Variants in METTL15 observed in about 807,000 individuals in gnomAD.
METTL15 encodes 12S rRNA N(4)-cytidine methyltransferase METTL15.
Under a neutral mutation model 38.3 loss-of-function variants are expected in METTL15, and 34 were observed. The observed-to-expected ratio is 0.89, with a 90% CI of 0.68 to 1.18. The LOEUF is 1.18. Among genes scored for constraint, METTL15 ranks in the 50% most tolerant of loss-of-function variants. The probability of loss-of-function intolerance (pLI) is 0.00; values close to 1 mark genes in which losing one functional copy is unlikely to be tolerated. For synonymous variants in METTL15, 162 were observed against 170.9 expected, an observed-to-expected ratio of 0.95 and a Z score of 0.41; for missense variants, 438 against 498.4, an observed-to-expected ratio of 0.88 and a Z score of 1.15.
intron 6 of METTL15, among the ~76,000 whole-genome samples, chr11:28,487,003 GA>G (rs958614822): frequency 8.7e-5 from 13 of 150,120 alleles, no homozygotes; most frequent in East Asian, 5.8e-4. Flanking sequence ...TGCAAATTAA[GA>G]AAAAAAAATA....
intron 4 of METTL15, among the ~76,000 whole-genome samples, chr11:28,278,549 G>T (rs372499571): frequency 1.3e-5 from 2 of 152,022 alleles, no homozygotes; most frequent in Admixed American, 1.3e-4. Context: ...GGGTCTTGGC[G>T]TAAATCTAAG....
At chr11:28,188,914 TA>T (rs1211722412) in intron 3 of METTL15, among the ~76,000 whole-genome samples, 1 of 151,288 alleles carries the variant, frequency 6.6e-6, no homozygotes, top group African/African-American at 2.4e-5. Flanking sequence ...AATAGTGGCA[TA>T]AAAATATCTA....
intron 5 of METTL15, among the ~76,000 whole-genome samples, chr11:28,406,341 T>C (rs866333639): frequency 1.4e-4 from 22 of 152,182 alleles, no homozygotes; most frequent in South Asian, 2.1e-4. Context: ...TTGTAGCATT[T>C]GTGAATGGGA....
intron 6 of METTL15, among the ~76,000 whole-genome samples, chr11:28,304,065 G>A (rs925171944): frequency 6.6e-6 from 1 of 152,050 alleles, no homozygotes; most frequent in East Asian, 1.9e-4. Context: ...AAATATTCTT[G>A]TAAGCATTTT....
At chr11:28,293,680 A>G (rs1265656666) in intron 5 of METTL15, among the ~76,000 whole-genome samples, 1 of 151,712 alleles carries the variant, frequency 6.6e-6, no homozygotes, top group Non-Finnish European at 1.5e-5. Context: ...GATTCTTCCT[A>G]CCCATGAGCA....
At chr11:28,420,043 G>A (rs1250111184) in intron 5 of METTL15, among the ~76,000 whole-genome samples, 5 of 151,770 alleles carry the variant, frequency 3.3e-5, no homozygotes, top group Non-Finnish European at 1.5e-5. Flanking sequence ...AGCCCAAAAG[G>A]GATAAATCTA....
chr11:28,484,616 C>G (rs1334476258), intron 6 of METTL15, among the ~76,000 whole-genome samples: 1 of 152,146 alleles, frequency 6.6e-6, no homozygotes, highest in African/African-American at 2.4e-5. Flanking sequence ...ATAGCTGTAT[C>G]TCCCCAACAT....
At chr11:28,140,750 A>T (rs930780419) in intron 3 of METTL15, among the ~76,000 whole-genome samples, 1 of 152,284 alleles carries the variant, frequency 6.6e-6, no homozygotes, top group African/African-American at 2.4e-5. Context: ...TCACAGTTGA[A>T]TACAAGGGCA....
At chr11:28,387,240 CAA>C (rs956248465) in intron 5 of METTL15, among the ~76,000 whole-genome samples, 3 of 151,352 alleles carry the variant, frequency 2.0e-5, no homozygotes. Context: ...AATATAAAAA[CAA>C]GAGATAAAAA....
At chr11:28,316,921 C>A (rs1395083851) in intron 6 of METTL15, among the ~76,000 whole-genome samples, 1 of 152,146 alleles carries the variant, frequency 6.6e-6, no homozygotes, top group Non-Finnish European at 1.5e-5. Flanking sequence ...TCCAATTAAA[C>A]CTTTTGCTTT....
chr11:28,288,366 A>G (rs975950660), intron 4 of METTL15, among the ~76,000 whole-genome samples: 27 of 152,176 alleles, frequency 1.8e-4, no homozygotes, highest in African/African-American at 5.1e-4. Context: ...ATGTGCACAT[A>G]TGTTCATTGC....
chr11:28,183,596 C>T (rs931774135), intron 3 of METTL15, among the ~76,000 whole-genome samples: 2 of 152,040 alleles, frequency 1.3e-5, no homozygotes, highest in Non-Finnish European at 2.9e-5. Context: ...TCTTGCTTCC[C>T]AGGGATGAAG....
At chr11:28,209,446 G>T (rs924172051) in intron 3 of METTL15, among the ~76,000 whole-genome samples, 1 of 151,964 alleles carries the variant, frequency 6.6e-6, no homozygotes, top group Non-Finnish European at 1.5e-5. Flanking sequence ...TTGATCTTGA[G>T]ATTTAAGTGT....
At chr11:28,398,365 C>T (rs764870752) in intron 5 of METTL15, among the ~76,000 whole-genome samples, 12 of 152,044 alleles carry the variant, frequency 7.9e-5, no homozygotes, top group Non-Finnish European at 1.2e-4. Context: ...TTAATGATCA[C>T]CATTCTAGCT....
chr11:28,527,216 G>C (rs1190757711), downstream of METTL15, among the ~76,000 whole-genome samples: 3 of 152,118 alleles, frequency 2.0e-5, no homozygotes, highest in African/African-American at 7.2e-5. Context: ...AATTTAGTTA[G>C]TTACTTTACC....
chr11:28,180,621 C>A (rs1483451065), intron 3 of METTL15, among the ~76,000 whole-genome samples: 1 of 151,722 alleles, frequency 6.6e-6, no homozygotes, highest in African/African-American at 2.4e-5. Context: ...TTCTCTTCAA[C>A]CTTTCTTTGT....
intron 6 of METTL15, among the ~76,000 whole-genome samples, chr11:28,490,190 A>G (rs969487090): frequency 3.9e-5 from 6 of 152,186 alleles, no homozygotes; most frequent in African/African-American, 1.2e-4. Context: ...AATCTGGTCC[A>G]TGGAAAGAGA....
At chr11:28,226,233 A>G (rs1412513941) in intron 4 of METTL15, among the ~76,000 whole-genome samples, 1 of 151,596 alleles carries the variant, frequency 6.6e-6, no homozygotes, top group Non-Finnish European at 1.5e-5. Context: ...TTCCTAACTC[A>G]CTCCACTGCC....
intron 4 of METTL15, among the ~76,000 whole-genome samples, chr11:28,220,104 C>G (rs553213954): frequency 6.6e-6 from 1 of 152,124 alleles, no homozygotes; most frequent in South Asian, 2.1e-4. Context: ...GAGTTCAATT[C>G]CTGTATATCT....
Sources: gnomAD v4.1 joint callset for allele counts (sites outside exome capture counted in the v4.1 genomes callset) on GRCh38, gnomAD v4.1.1 for gene constraint, MANE v1.5 for transcripts, NCBI Gene and HGNC (gene_info 2026-07-23, HGNC 2026-07-21) for gene names.